Variants in SLC28A1 observed in about 807,000 individuals in gnomAD.
SLC28A1 encodes the protein solute carrier family 28 member 1, also known as sodium/nucleoside cotransporter 1.
In SLC28A1, 64 loss-of-function variants were observed where a neutral mutation model predicts 74.8. That is an observed-to-expected ratio of 0.86 (90% CI 0.70 to 1.05). The LOEUF (loss-of-function observed/expected upper bound fraction) is 1.05. Among genes scored for constraint, SLC28A1 ranks in the 50% least tolerant of loss-of-function variants. SLC28A1 has a pLI of 0.00. For synonymous variants in SLC28A1, 359 were observed against 335.0 expected (o/e 1.07, Z -0.78); for missense variants, 828 against 822.8 (o/e 1.01, Z -0.08).
chr15:84,888,945 G>A, intron 4 of SLC28A1, 85 bp downstream of exon 4: 2 of 904,850 alleles, frequency 2.2e-6, no homozygotes, highest in Admixed American at 2.0e-5. Context: ...CCTGGCGGAT[G>A]GGAGTTGGGG....
chr15:84,896,916 A>G (rs1966059544), intron 6 of SLC28A1, among the ~76,000 whole-genome samples: 1 of 152,186 alleles, frequency 6.6e-6, no homozygotes, highest in African/African-American at 2.4e-5. Context: ...AAATGTCCAG[A>G]ATGGGCAAAT....
At chr15:84,899,837 G>A (rs1449412033) in intron 6 of SLC28A1, among the ~76,000 whole-genome samples, 1 of 151,896 alleles carries the variant, frequency 6.6e-6, no homozygotes, top group Admixed American at 6.6e-5. Context: ...AGGCTGCAGT[G>A]AGCCATGATC....
chr15:84,888,699 C>T (rs1964901529), intron 3 of SLC28A1, 73 bp from the exon 4 acceptor site: 2 of 1,085,614 alleles, frequency 1.8e-6, no homozygotes, highest in Admixed American at 2.0e-5. Context: ...CACCGTGGCC[C>T]CCGACCCCCA....
At chr15:84,923,842 C>T (rs1011819919) in intron 11 of SLC28A1, 143 bp from the exon 12 acceptor site, 1 of 1,068,882 alleles carries the variant, frequency 9.4e-7, no homozygotes, top group African/African-American at 1.6e-5. Flanking sequence ...TTCAGAGAAG[C>T]TCAGCCAAGT....
At chr15:84,937,068 G>A (rs1431745533) in intron 15 of SLC28A1, among the ~76,000 whole-genome samples, 9 of 143,844 alleles carry the variant, frequency 6.3e-5, no homozygotes, top group Admixed American at 3.5e-4. Flanking sequence ...AAAAAAAAAG[G>A]GAAAGCAAGA....
chr15:84,927,335 G>T (rs978104227), intron 12 of SLC28A1, among the ~76,000 whole-genome samples: 4 of 152,316 alleles, frequency 2.6e-5, no homozygotes, highest in African/African-American at 9.6e-5. Context: ...TCAGAAGGAA[G>T]ACCCAAAGAT....
rs1964686436 is a variant in SLC28A1, at chr15:84,887,079, A to C, written c.-17+292A>C. Among the ~76,000 whole-genome samples, 3 of 152,220 alleles carry C rather than the reference A, an allele frequency of 2.0e-5. No individual in the cohort carries two copies. The South Asian group carries it at 6.2e-4, about 32-fold the overall frequency. ...TGAACTATATTGATTCTTGCAATGGAAAGTCCAGGAGTAGGATTGGTTTCA... is the reference window on the plus strand; with the variant it reads ...TGAACTATATTGATTCTTGCAATGGCAAGTCCAGGAGTAGGATTGGTTTCA... On this transcript the variant is annotated intron_variant, in intron 2 of 18. Transcript: ENST00000394573.
chr15:84,928,631 T>C (rs868340416), intron 12 of SLC28A1, among the ~76,000 whole-genome samples: 23 of 17,686 alleles, frequency 1.3e-3, no homozygotes, highest in Admixed American at 4.7e-3. Context: ...TTTCTTTCTT[T>C]CTTTTTTTTT....
the SLC28A1 span, among the ~76,000 whole-genome samples, chr15:84,966,551 T>A: frequency 6.6e-6 from 1 of 152,128 alleles, no homozygotes; most frequent in East Asian, 1.9e-4. Flanking sequence ...ATTAGTCTGT[T>A]TTCATGCTGC....
chr15:84,968,386 C>T, the SLC28A1 span, among the ~76,000 whole-genome samples: 1 of 152,190 alleles, frequency 6.6e-6, no homozygotes, highest in East Asian at 1.9e-4. Flanking sequence ...GCTGGAAGAT[C>T]TACTTCCAAG....
At chr15:84,886,534 G>C in intron 1 of SLC28A1, 138 bp from the exon 2 acceptor site, 2 of 985,688 alleles carry the variant, frequency 2.0e-6, no homozygotes, top group Non-Finnish European at 2.4e-6. Flanking sequence ...CAGGGAGCCA[G>C]GTTGCAAGTG....
the SLC28A1 span, among the ~76,000 whole-genome samples, chr15:84,965,871 A>G: frequency 1.4e-5 from 2 of 147,210 alleles, no homozygotes; most frequent in Non-Finnish European, 3.0e-5. Context: ...GGATCTCACA[A>G]GATTAGGCTG....
At chr15:84,930,399 C>T (rs565822742) in intron 12 of SLC28A1, among the ~76,000 whole-genome samples, 1 of 152,338 alleles carries the variant, frequency 6.6e-6, no homozygotes, top group South Asian at 2.1e-4. Context: ...AGTGTCCACA[C>T]AGGGCCCTGG....
intron 12 of SLC28A1, among the ~76,000 whole-genome samples, chr15:84,926,195 C>T (rs1345011022): frequency 7.9e-5 from 12 of 151,262 alleles, no homozygotes; most frequent in Admixed American, 7.3e-4. Flanking sequence ...CCACATGACA[C>T]CAACATGTAT....
At position 84,945,302 on chromosome 15, in the gene SLC28A1, CA is replaced by C; in HGVS notation, c.*103del. On this transcript the variant is annotated 3_prime_UTR_variant, in exon 19 of 19. Transcript: ENST00000394573. ...CCCAGAGCCCTCTTCAGGGAAGCCA[CA>C]GGACTTAGACCCAGCTCAATCCCAC... 9.1e-7 allele frequency: 1 copy of C among 1,094,910 alleles called. No homozygotes were observed. The highest frequency in any genetic ancestry group is 1.4e-6 in the Non-Finnish European group (1 of 720,628). 67.8% of individuals were successfully genotyped at this position (1,094,910 alleles called of 1,614,324 possible).
At chr15:84,960,228 CTTTTTTTTTTTTTTTTTT>C in the SLC28A1 span, among the ~76,000 whole-genome samples, 15 of 85,582 alleles carry the variant, frequency 1.8e-4, 3 homozygotes, top group East Asian at 7.2e-4. Flanking sequence ...TGCCTGCCTG[CTTTTTTTTTTTTTTTTTT>C]TTTTTTTTTT....
At position 84,911,791 on chromosome 15, in the gene SLC28A1, G is replaced by A. The variant is rs57036552; in HGVS notation, c.795+2996G>A. ...GGAGAATGACTTGAACCTGGGAGACGGAGGTTGCAGTGAGCGGAGACTGCA... is the reference window on the plus strand; with the variant it reads ...GGAGAATGACTTGAACCTGGGAGACAGAGGTTGCAGTGAGCGGAGACTGCA... On this transcript the variant is annotated intron_variant, in intron 9 of 18. Coordinates refer to ENST00000394573, the MANE Select transcript of SLC28A1 (RefSeq NM_004213.5). Among the ~76,000 whole-genome samples the A allele has an allele frequency of 5.8e-3, 877 of 149,988 alleles. 10 individuals carry two copies. Among genetic ancestry groups the A allele is most frequent in the African/African-American group, 0.02 (806 of 40,612 alleles).
At chr15:84,916,240 C>CAGGTGTGAGCCACCATCCCTGGCCTTTTT (rs1555449976) in intron 9 of SLC28A1, among the ~76,000 whole-genome samples, 1 of 98,424 alleles carries the variant, frequency 1.0e-5, no homozygotes, top group African/African-American at 4.9e-5. Context: ...GCTGGGATTA[C>CAGGTGTGAGCCACCATCCCTGGCCTTTTT]TTTTTTTTTT....
intron 9 of SLC28A1, among the ~76,000 whole-genome samples, chr15:84,915,440 C>T (rs1179495263): frequency 6.6e-6 from 1 of 152,182 alleles, no homozygotes; most frequent in Admixed American, 6.5e-5. Context: ...TCAAGACTCT[C>T]CCTCCTTAAA....
Sources: allele counts gnomAD v4.1 joint callset (sites outside exome capture counted in the v4.1 genomes callset), GRCh38; gene constraint gnomAD v4.1.1; transcripts MANE v1.5; gene names NCBI Gene and HGNC (gene_info 2026-07-23, HGNC 2026-07-21).